The following RGS8 variants were observed in gnomAD, a reference collection of about 807,000 sequenced individuals.
The protein encoded by RGS8 is regulator of G protein signaling 8, also known as regulator of G-protein signaling 8.
RGS8 carries 8 observed loss-of-function variants against 21.7 expected under a neutral mutation model. The ratio of observed to expected loss-of-function variants is 0.37; its 90% confidence interval spans 0.22 to 0.66. The LOEUF (loss-of-function observed/expected upper bound fraction) is 0.66, where lower values mean the gene tolerates loss of function less well. Ranked by LOEUF, RGS8 falls within the 30% of genes least tolerant of loss-of-function variation. The pLI, the probability that RGS8 is intolerant of heterozygous loss-of-function variation, is 0.59. For missense variants in RGS8, 157 were observed against 217.9 expected (o/e 0.72, Z 1.76); for synonymous variants, 80 against 83.6 (o/e 0.96, Z 0.24).
chr1:182,669,617 T>G lies in RGS8; in HGVS notation c.26+7A>C, dbSNP rs753599458. 2.5e-6 allele frequency: 4 copies of G among 1,614,186 alleles called. No homozygotes were observed. In the South Asian group the frequency reaches 3.3e-5, roughly 13 times the overall value. On this transcript the variant is annotated splice_region_variant and intron_variant, in intron 3 of 6. Transcript: ENST00000483095. The stretch of plus-strand genomic sequence containing the variant: ...AGGGGCAAGAAAACAGGCCATTGAT[T>G]CATTACCTGCGTGGCATCAGTAAGG...
intron 3 of RGS8, among the ~76,000 whole-genome samples, chr1:182,667,789 GTCTCTTTC>G (rs755491064): frequency 2.0e-5 from 3 of 151,552 alleles, no homozygotes; most frequent in Non-Finnish European, 4.4e-5. Context: ...TTACTCTAAT[GTCTCTTTC>G]TGACTCCCAA....
the RGS8 span, among the ~76,000 whole-genome samples, chr1:182,740,382 A>G: frequency 6.6e-6 from 1 of 152,190 alleles, no homozygotes; most frequent in African/African-American, 2.4e-5. Flanking sequence ...AGCACTATAC[A>G]GACACATCTA....
chr1:182,733,958 T>C, the RGS8 span: 1 of 152,108 alleles, frequency 6.6e-6, no homozygotes, highest in Non-Finnish European at 1.5e-5. Context: ...TCTCGCTTAG[T>C]TGCTCAGGCT....
Position 182,678,380 on chromosome 1 carries a change from A to G in RGS8, n.222-5448T>C, listed in dbSNP as rs79459837. ...ATTTGAATGGAACTTGATTTTCTGT[A>G]CATTTTCCATTGTAAGTTTTTCTCC... On this transcript the variant is annotated intron_variant and non_coding_transcript_variant, in intron 1 of 4. Transcript: ENST00000515211. Among the ~76,000 whole-genome samples, 295 of 152,364 alleles carry G rather than the reference A, an allele frequency of 1.9e-3. 5 individuals carry two copies. In the East Asian group the frequency reaches 0.044, roughly 23 times the overall value.
At chr1:182,724,200 G>GGATA in the RGS8 span, among the ~76,000 whole-genome samples, 13 of 44,818 alleles carry the variant, frequency 2.9e-4, 1 homozygote, top group South Asian at 8.5e-4. Context: ...AGGCTAGACT[G>GGATA]GATATATATA....
At chr1:182,747,886 C>T in the RGS8 span, among the ~76,000 whole-genome samples, 2 of 149,196 alleles carry the variant, frequency 1.3e-5, no homozygotes. Context: ...GTGTTTAAAT[C>T]AGAGCTCCAT....
chr1:182,654,811 A>G (rs766192247), intron 5 of RGS8, among the ~76,000 whole-genome samples: 5 of 152,230 alleles, frequency 3.3e-5, no homozygotes, highest in African/African-American at 7.2e-5. Context: ...TTGATGGTGC[A>G]TCTATTATTC....
intron 1 of RGS8, among the ~76,000 whole-genome samples, chr1:182,682,856 G>C (rs1402812153): frequency 6.6e-6 from 1 of 152,140 alleles, no homozygotes; most frequent in African/African-American, 2.4e-5. Context: ...CTCTTGCTCT[G>C]TCCTCTAAGA....
At chr1:182,710,106 G>A in the RGS8 span, among the ~76,000 whole-genome samples, 1 of 152,138 alleles carries the variant, frequency 6.6e-6, no homozygotes, top group Non-Finnish European at 1.5e-5. Context: ...ACAGGAATTT[G>A]ACTCACAGGT....
the RGS8 span, among the ~76,000 whole-genome samples, chr1:182,702,399 G>GGGGGCAAC: frequency 6.6e-6 from 1 of 152,132 alleles, no homozygotes; most frequent in Admixed American, 6.5e-5. Flanking sequence ...AGGAAGTGAG[G>GGGGGCAAC]GGGGCAACGG....
the RGS8 span, among the ~76,000 whole-genome samples, chr1:182,713,521 G>A: frequency 6.6e-6 from 1 of 152,112 alleles, no homozygotes; most frequent in Non-Finnish European, 1.5e-5. Flanking sequence ...AGATTGCACT[G>A]GCACGGGGGA....
chr1:182,648,103 T>A (rs370411541), intron 6 of RGS8, 34 bp downstream of exon 7: 4 of 1,566,936 alleles, frequency 2.6e-6, no homozygotes, highest in Non-Finnish European at 3.5e-6. Flanking sequence ...CTAGGAGCCA[T>A]GGATAGACAG....
the RGS8 span, chr1:182,734,506 T>G: frequency 6.6e-6 from 1 of 152,220 alleles, no homozygotes; most frequent in African/African-American, 2.4e-5. Flanking sequence ...TCAAGACGGT[T>G]GTAAACTTCT....
At chr1:182,746,337 A>G in the RGS8 span, among the ~76,000 whole-genome samples, 1 of 152,214 alleles carries the variant, frequency 6.6e-6, no homozygotes, top group Non-Finnish European at 1.5e-5. Context: ...CTTAGATGCA[A>G]ACACAATATA....
At chr1:182,708,872 C>T in the RGS8 span, among the ~76,000 whole-genome samples, 58,396 of 152,066 alleles carry the variant, frequency 0.38, 11,274 homozygotes, top group African/African-American at 0.43. Context: ...GTGCTCCTAA[C>T]ATCTGGTCGC....
downstream of RGS8, chr1:182,643,687 C>A (rs1418698860): frequency 6.6e-6 from 1 of 152,196 alleles, no homozygotes; most frequent in African/African-American, 2.4e-5. Context: ...CCAGGTGATT[C>A]CTGTGCATGC....
chr1:182,692,451 A>G, the RGS8 span, among the ~76,000 whole-genome samples: 5 of 152,234 alleles, frequency 3.3e-5, no homozygotes, highest in Admixed American at 3.3e-4. Flanking sequence ...GAATTACAAA[A>G]CACTACTGAA....
intron 5 of RGS8, among the ~76,000 whole-genome samples, chr1:182,656,079 A>G (rs887953343): frequency 1.3e-5 from 2 of 152,258 alleles, no homozygotes; most frequent in Non-Finnish European, 2.9e-5. Context: ...AAAGTGCCTA[A>G]TAGTTCATTA....
intron 5 of RGS8, among the ~76,000 whole-genome samples, chr1:182,653,728 T>G (rs541785771): frequency 6.6e-6 from 1 of 152,176 alleles, no homozygotes; most frequent in South Asian, 2.1e-4. Context: ...GAGATAGACT[T>G]GGGTATGTGT....
Sources: allele counts gnomAD v4.1 joint callset (sites outside exome capture counted in the v4.1 genomes callset), GRCh38; gene constraint gnomAD v4.1.1; transcripts MANE v1.5; gene names NCBI Gene and HGNC (gene_info 2026-07-23, HGNC 2026-07-21).